MGAT5: variants seen among roughly 807,000 people sequenced by gnomAD.
MGAT5 encodes alpha-1,6-mannosylglycoprotein 6-beta-N-acetylglucosaminyltransferase.
Under a neutral mutation model 94.3 loss-of-function variants are expected in MGAT5, and 30 were observed. The observed-to-expected ratio is 0.32, with a 90% CI of 0.24 to 0.43. The LOEUF is 0.43. MGAT5 is among the 20% of genes least tolerant of loss of function. MGAT5 has a pLI of 1.00. For missense variants in MGAT5, 691 were observed against 905.5 expected, an observed-to-expected ratio of 0.76 and a Z score of 3.04; for synonymous variants, 310 against 322.9, an observed-to-expected ratio of 0.96 and a Z score of 0.43.
intron 10 of MGAT5, among the ~76,000 whole-genome samples, chr2:134,392,776 C>T (rs1465816012): frequency 6.6e-6 from 1 of 152,230 alleles, no homozygotes; most frequent in Admixed American, 6.5e-5. Flanking sequence ...CACAGCCCTA[C>T]AACTAGAGCT....
intron 1 of MGAT5, among the ~76,000 whole-genome samples, chr2:134,216,017 G>C (rs781766628): frequency 2.0e-4 from 30 of 152,120 alleles, no homozygotes; most frequent in Non-Finnish European, 1.2e-4. Flanking sequence ...TCTTTAGACG[G>C]TGACCTTAGA....
At chr2:134,339,868 G>A (rs1273214758) in intron 6 of MGAT5, among the ~76,000 whole-genome samples, 1 of 152,174 alleles carries the variant, frequency 6.6e-6, no homozygotes, top group Admixed American at 6.5e-5. Flanking sequence ...GTACACTTCT[G>A]ATGGGATATC....
chr2:134,174,042 G>A (rs1688345372), intron 1 of MGAT5, among the ~76,000 whole-genome samples: 3 of 152,172 alleles, frequency 2.0e-5, no homozygotes, highest in Admixed American at 1.3e-4. Flanking sequence ...GAGATCATAC[G>A]AAGTCAGTTT....
chr2:134,407,525 A>C (rs560155550), intron 11 of MGAT5, among the ~76,000 whole-genome samples: 7 of 152,348 alleles, frequency 4.6e-5, no homozygotes, highest in African/African-American at 1.7e-4. Flanking sequence ...ACTTCTGTGC[A>C]CAGAGACACT....
At chr2:134,386,983 C>T (rs115958402) in intron 10 of MGAT5, among the ~76,000 whole-genome samples, 2,309 of 151,884 alleles carry the variant, frequency 0.015, 29 homozygotes, top group Middle Eastern at 0.12. Context: ...ATGTATGAGC[C>T]GGGTGCGGTG....
At chr2:134,437,633 A>C (rs1685233618) in intron 14 of MGAT5, among the ~76,000 whole-genome samples, 2 of 152,162 alleles carry the variant, frequency 1.3e-5, no homozygotes, top group South Asian at 4.1e-4. Context: ...TTTTCTGTTC[A>C]GTCACATGAT....
intron 1 of MGAT5, among the ~76,000 whole-genome samples, chr2:134,227,888 A>T (rs2105379933): frequency 6.6e-6 from 1 of 152,244 alleles, no homozygotes; most frequent in Non-Finnish European, 1.5e-5. Flanking sequence ...GAGCCACATT[A>T]TTTTACCTAG....
chr2:134,265,887 G>T (rs1683679564), intron 1 of MGAT5, among the ~76,000 whole-genome samples: 1 of 152,092 alleles, frequency 6.6e-6, no homozygotes, highest in South Asian at 2.1e-4. Context: ...AAACACAAAT[G>T]GTCTGGGCGC....
chr2:134,352,334 A>G (rs1679437127), intron 9 of MGAT5, among the ~76,000 whole-genome samples: 2 of 152,192 alleles, frequency 1.3e-5, no homozygotes, highest in Admixed American at 1.3e-4. Flanking sequence ...AGTGAATAAT[A>G]TGGTCCATTA....
chr2:134,363,748 C>G (rs976840346), intron 10 of MGAT5, among the ~76,000 whole-genome samples: 1 of 152,174 alleles, frequency 6.6e-6, no homozygotes, highest in Non-Finnish European at 1.5e-5. Context: ...ACTTTGTTGC[C>G]TCAAGTAAAA....
intron 1 of MGAT5, among the ~76,000 whole-genome samples, chr2:134,168,400 C>G (rs1162510029): frequency 1.3e-5 from 2 of 152,140 alleles, no homozygotes; most frequent in Admixed American, 6.5e-5. Flanking sequence ...GGACACTTTT[C>G]ATGGAGACTT....
chr2:134,227,436 C>CT lies in MGAT5; in HGVS notation c.-142-26825dup, dbSNP rs1427152151. Among the ~76,000 whole-genome samples the CT allele has an allele frequency of 1.3e-5, 2 of 152,180 alleles. 1 individual carries two copies. The highest frequency in any genetic ancestry group is 3.8e-4 in the East Asian group (2 of 5,196). ...TGCAGTGGTAAGCTTCAGAGACTAG[C>CT]TATTCCTGGCAGGTAGGACTTGACT... On this transcript the variant is annotated intron_variant, in intron 1 of 16. Transcript: ENST00000409645.
At chr2:134,356,545 T>G (rs902821667) in intron 9 of MGAT5, among the ~76,000 whole-genome samples, 1 of 152,052 alleles carries the variant, frequency 6.6e-6, no homozygotes, top group Admixed American at 6.5e-5. Context: ...TTCGGTGGAG[T>G]CAGGAGGTAC....
chr2:134,398,957 A>G (rs1682873970), intron 10 of MGAT5, among the ~76,000 whole-genome samples: 1 of 152,216 alleles, frequency 6.6e-6, no homozygotes, highest in Non-Finnish European at 1.5e-5. Context: ...ATGTGCAAAC[A>G]TAAAGGTGGA....
chr2:134,244,436 T>A (rs1009843970), intron 1 of MGAT5, among the ~76,000 whole-genome samples: 3 of 152,154 alleles, frequency 2.0e-5, no homozygotes, highest in Non-Finnish European at 4.4e-5. Flanking sequence ...TACTCATTAG[T>A]AAATTGGGCA....
chr2:134,449,471 A>G lies in MGAT5; in HGVS notation c.*624A>G. 1 of 154,130 alleles carries G rather than the reference A, an allele frequency of 6.5e-6. No homozygotes were observed. Among genetic ancestry groups the G allele is most frequent in the Non-Finnish European group, 1.4e-5 (1 of 69,466 alleles). The allele number at this position is 154,130 out of a possible 1,614,324, so 9.5% of individuals were successfully genotyped here. ...AGAACAAAAGAAACTTTTGCTTTGG[A>G]AGCACAGCCAAACTCCCCAGGGCAT... On this transcript the variant is annotated 3_prime_UTR_variant, in exon 16 of 16. Transcript: ENST00000281923.
intron 2 of MGAT5, among the ~76,000 whole-genome samples, chr2:134,287,126 C>T (rs1231707088): frequency 1.3e-5 from 2 of 152,156 alleles, no homozygotes; most frequent in African/African-American, 4.8e-5. Context: ...ATTCCTACCC[C>T]TTCTCTCATA....
intron 1 of MGAT5, among the ~76,000 whole-genome samples, chr2:134,141,017 T>G (rs1402924486): frequency 6.6e-6 from 1 of 152,176 alleles, no homozygotes; most frequent in Non-Finnish European, 1.5e-5. Flanking sequence ...AAGTGAGGCC[T>G]TTAAAAACGG....
At chr2:134,304,063 A>C (rs924820363) in intron 2 of MGAT5, among the ~76,000 whole-genome samples, 7 of 152,176 alleles carry the variant, frequency 4.6e-5, no homozygotes, top group African/African-American at 1.7e-4. Flanking sequence ...TTGCCAATGC[A>C]TAGTTTCTCT....
Sources: gnomAD v4.1 joint callset for allele counts (sites outside exome capture counted in the v4.1 genomes callset) on GRCh38, gnomAD v4.1.1 for gene constraint, MANE v1.5 for transcripts, NCBI Gene and HGNC (gene_info 2026-07-23, HGNC 2026-07-21) for gene names.